RAD54L2: variants seen among roughly 807,000 people sequenced by gnomAD.
RAD54L2 encodes RAD54 like 2.
A neutral mutation model predicts 138.4 loss-of-function variants in RAD54L2; 27 were observed. The ratio of observed to expected loss-of-function variants is 0.20; its 90% CI spans 0.14 to 0.27. The LOEUF (loss-of-function observed/expected upper bound fraction) is 0.27, where lower values mean the gene tolerates loss of function less well. Among genes scored for constraint, RAD54L2 ranks in the 10% least tolerant of loss-of-function variants. RAD54L2 has a pLI of 1.00. For synonymous variants in RAD54L2, 644 were observed against 723.2 expected, an observed-to-expected ratio of 0.89 and a Z score of 1.76; for missense variants, 1,396 against 1,890.2, an observed-to-expected ratio of 0.74 and a Z score of 4.85.
chr3:51,619,292 C>T (rs1338497064), intron 3 of RAD54L2, among the ~76,000 whole-genome samples: 3 of 152,116 alleles, frequency 2.0e-5, no homozygotes, highest in South Asian at 2.1e-4. Context: ...CTCCTGACCT[C>T]GTGATCCGTC....
At position 51,664,216 on chromosome 3, in the gene RAD54L2, G is replaced by T. The variant is rs1302180078; in HGVS notation, c.*796G>T. ...CCCTGGTATTCAGAGCCACATTTGTGTGAGAATTTGGGGAAATTCATGAGA... is the reference window on the plus strand; with the variant it reads ...CCCTGGTATTCAGAGCCACATTTGTTTGAGAATTTGGGGAAATTCATGAGA... On this transcript the variant is annotated 3_prime_UTR_variant, in exon 23 of 23. Coordinates refer to ENST00000684192, the MANE Select transcript of RAD54L2 (RefSeq NM_015106.4). 2.0e-5 allele frequency: 3 copies of T among 152,180 alleles called. No homozygotes were observed. Among genetic ancestry groups the T allele is most frequent in the Non-Finnish European group, 4.4e-5 (3 of 68,038 alleles). The allele number at this position is 152,180 out of a possible 1,614,324, so 9.4% of individuals were successfully genotyped here. A position where few individuals can be genotyped will look rare whatever the true frequency, so the allele number is the denominator to read the frequency against.
intron 4 of RAD54L2, 91 bp from the exon 5 acceptor site, chr3:51,629,243 G>T: frequency 7.2e-7 from 1 of 1,395,556 alleles, no homozygotes; most frequent in South Asian, 1.3e-5. Context: ...TCGACTCTGA[G>T]ATCATCAATG....
rs1014414381 is a variant in RAD54L2 at position 51,594,073 on chromosome 3, T to C, written c.139+3514T>C. Among the ~76,000 whole-genome samples, 122 of 143,358 alleles carry C rather than the reference T, an allele frequency of 8.5e-4. 1 individual carries two copies. Among genetic ancestry groups the C allele is most frequent in the Non-Finnish European group, 1.6e-3 (104 of 65,024 alleles). The allele number at this position is 143,358 out of a possible 152,430, so 94.0% of individuals were successfully genotyped here. A position where few individuals can be genotyped will look rare whatever the true frequency, so the allele number is the denominator to read the frequency against. ...TCTTTCTTTTTTCTTTTTCTTTTTT[T>C]TTTTTTTTTTTTTTTGAGATGGAGT... On this transcript the variant is annotated intron_variant, in intron 3 of 22. Coordinates refer to ENST00000684192, the MANE Select transcript of RAD54L2 (RefSeq NM_015106.4).
At chr3:51,635,876 G>T (rs1298578747) in intron 10 of RAD54L2, 87 bp downstream of exon 10, 2 of 1,321,966 alleles carry the variant, frequency 1.5e-6, no homozygotes, top group Non-Finnish European at 2.0e-6. Flanking sequence ...CAGATGTAAA[G>T]TGCATTATTG....
intron 19 of RAD54L2, among the ~76,000 whole-genome samples, chr3:51,651,468 G>A (rs941989350): frequency 5.3e-5 from 8 of 152,054 alleles, no homozygotes; most frequent in Non-Finnish European, 4.4e-5. Context: ...CCAAAGCCTG[G>A]CAGAGACACA....
At chr3:51,562,390 T>TCGTGTGTCTACGTCTATTC (rs1181794947) in intron 2 of RAD54L2, among the ~76,000 whole-genome samples, 11 of 151,978 alleles carry the variant, frequency 7.2e-5, no homozygotes, top group African/African-American at 2.4e-4. Flanking sequence ...CACCACCATG[T>TCGTGTGTCTACGTCTATTC]CTGGCTAATT....
At position 51,590,499 on chromosome 3, in the gene RAD54L2, G is replaced by A. The variant is rs1699817732; in HGVS notation, c.79G>A (p.Glu27Lys). Reference sequence around the variant, plus strand: ...GCTGGAGGATGCGGAAGAGGAGGAGGAGGAGGAGGAGGTGGCAGTGGAGGA... The same window carrying A: ...GCTGGAGGATGCGGAAGAGGAGGAGAAGGAGGAGGAGGTGGCAGTGGAGGA... ...VELEDAEEEE[E>K]EEEVAVEECD... Residue 27 changes from glutamate to lysine, a missense_variant, in exon 3 of 23, where the codon GAG becomes AAG. Glu to Lys is a moderately conservative substitution (Grantham distance 56). Transcript: ENST00000684192. 1 of 1,552,304 alleles carries A rather than the reference G, an allele frequency of 6.4e-7. No homozygotes were observed. Among genetic ancestry groups the A allele is most frequent in the Non-Finnish European group, 8.7e-7 (1 of 1,147,166 alleles).
chr3:51,643,518 C>T (rs189068126), intron 15 of RAD54L2, among the ~76,000 whole-genome samples: 32 of 152,340 alleles, frequency 2.1e-4, no homozygotes, highest in Admixed American at 7.8e-4. Context: ...CCTGCACTCA[C>T]CAGGACTCAC....
At chr3:51,649,583 A>T (rs887175436) in intron 19 of RAD54L2, among the ~76,000 whole-genome samples, 1 of 152,240 alleles carries the variant, frequency 6.6e-6, no homozygotes, top group Non-Finnish European at 1.5e-5. Context: ...AGCCCATCAG[A>T]CTAACAGTGG....
At chr3:51,559,847 C>T (rs1429047653) in intron 2 of RAD54L2, among the ~76,000 whole-genome samples, 1 of 152,210 alleles carries the variant, frequency 6.6e-6, no homozygotes, top group Non-Finnish European at 1.5e-5. Context: ...CTGATAAGTA[C>T]TGGGCAGTTT....
At chr3:51,549,221 G>A (rs1216004343) in intron 2 of RAD54L2, among the ~76,000 whole-genome samples, 1 of 151,860 alleles carries the variant, frequency 6.6e-6, no homozygotes. Flanking sequence ...TCAAACTCCT[G>A]GACCTCAGGT....
chr3:51,587,034 C>A (rs1699726307), intron 2 of RAD54L2, among the ~76,000 whole-genome samples: 1 of 151,948 alleles, frequency 6.6e-6, no homozygotes, highest in African/African-American at 2.4e-5. Context: ...TTGTTGATAT[C>A]TAATTGATTT....
Position 51,633,987 on chromosome 3 carries a change from A to G in RAD54L2, c.1094A>G (p.Glu365Gly). Residue 365 changes from glutamate to glycine, a missense_variant, in exon 9 of 23, where the codon GAA becomes GGA. By Grantham distance (98) the Glu-to-Gly change is moderately conservative. This residue lies in a region of RAD54L2 where 169 missense variants were observed against 235.6 expected (regional missense o/e 0.72). Transcript: ENST00000684192. ...CTCCCGGCTGACAACAAGCCTGAAGAAGTCCAGCCTCGGTTCTTTAAAGTT... is the reference window on the plus strand; with the variant it reads ...CTCCCGGCTGACAACAAGCCTGAAGGAGTCCAGCCTCGGTTCTTTAAAGTT... The part of the protein sequence containing the change: ...EALPADNKPE[E>G]VQPRFFKVHI... 6.2e-7 allele frequency: 1 copy of G among 1,613,962 alleles called. No homozygotes were observed. Among genetic ancestry groups the G allele is most frequent in the Non-Finnish European group, 8.5e-7 (1 of 1,179,882 alleles).
intron 2 of RAD54L2, among the ~76,000 whole-genome samples, chr3:51,584,648 A>G (rs1186475441): frequency 6.8e-6 from 1 of 148,064 alleles, no homozygotes; most frequent in African/African-American, 2.5e-5. Flanking sequence ...ATATATATAT[A>G]TGCTATATAT....
At chr3:51,628,715 A>C (rs1372653866) in intron 4 of RAD54L2, among the ~76,000 whole-genome samples, 2 of 147,614 alleles carry the variant, frequency 1.4e-5, no homozygotes, top group Non-Finnish European at 3.0e-5. Flanking sequence ...TCTACATGAC[A>C]ACACTATTTT....
rs1298268020 is a variant in RAD54L2, at chr3:51,667,558, T to G, written c.*4138T>G. On this transcript the variant is annotated 3_prime_UTR_variant, in exon 23 of 23. Coordinates refer to ENST00000684192, the MANE Select transcript of RAD54L2 (RefSeq NM_015106.4). ...GTGGCTCTTCACCCCTAAAACTAAGTGAAGTCATCCTTCCCCAAAAGGACC... is the reference window on the plus strand; with the variant it reads ...GTGGCTCTTCACCCCTAAAACTAAGGGAAGTCATCCTTCCCCAAAAGGACC... 1 of 152,236 alleles carries G rather than the reference T, an allele frequency of 6.6e-6. No homozygotes were observed. The highest frequency in any genetic ancestry group is 1.5e-5 in the Non-Finnish European group (1 of 68,098). 9.4% of individuals were successfully genotyped at this position (152,236 alleles called of 1,614,324 possible).
At chr3:51,553,077 TTTTG>T (rs769854154) in intron 2 of RAD54L2, among the ~76,000 whole-genome samples, 10 of 152,258 alleles carry the variant, frequency 6.6e-5, no homozygotes, top group South Asian at 4.1e-4. Context: ...GTGTGTGTTT[TTTTG>T]TTTGTTTGTT....
Position 51,629,479 on chromosome 3 carries a change from C to T in RAD54L2, c.481+6C>T, listed in dbSNP as rs779183967. On this transcript the variant is annotated splice_donor_region_variant and intron_variant, in intron 5 of 22. Transcript: ENST00000684192. ...TCCGCTGGAGTTCCTCCCTGGTAAGCAGTGGACATGGCAGGGAAGGCCCTT... is the reference window on the plus strand; with the variant it reads ...TCCGCTGGAGTTCCTCCCTGGTAAGTAGTGGACATGGCAGGGAAGGCCCTT... The T allele has an allele frequency of 1.2e-6, 2 of 1,611,854 alleles. No individual in the cohort carries two copies. The highest frequency in any genetic ancestry group is 1.7e-6 in the Non-Finnish European group (2 of 1,179,116).
In RAD54L2 at chr3:51,665,739, A is replaced by C. The variant is rs778531534; in HGVS notation, c.*2319A>C. ...CTCCAATTTATGGGACACACTCAGAACCTGGGTTACACTGATGCCTCTCAG... is the reference window on the plus strand; with the variant it reads ...CTCCAATTTATGGGACACACTCAGACCCTGGGTTACACTGATGCCTCTCAG... On this transcript the variant is annotated 3_prime_UTR_variant, in exon 23 of 23. Transcript: ENST00000684192. The C allele has an allele frequency of 6.6e-6, 1 of 152,166 alleles. No homozygotes were observed. Among genetic ancestry groups the C allele is most frequent in the Non-Finnish European group, 1.5e-5 (1 of 68,024 alleles). The allele number at this position is 152,166 out of a possible 1,614,324, so 9.4% of individuals were successfully genotyped here. A position where few individuals can be genotyped will look rare whatever the true frequency, so the allele number is the denominator to read the frequency against.
Sources: gnomAD v4.1 joint callset for allele counts (sites outside exome capture counted in the v4.1 genomes callset) on GRCh38, gnomAD v4.1.1 for gene constraint, gnomAD v4.1.1 regional missense constraint, MANE v1.5 for transcripts, NCBI Gene and HGNC (gene_info 2026-07-23, HGNC 2026-07-21) for gene names.